Variants in TRAK1 observed in about 807,000 individuals in gnomAD.
The protein encoded by TRAK1 is trafficking kinesin protein 1.
Under a neutral mutation model 92.1 loss-of-function variants are expected in TRAK1, and 33 were observed. The ratio of observed to expected loss-of-function variants is 0.36; its 90% CI spans 0.27 to 0.48. The LOEUF is 0.48. Among genes scored for constraint, TRAK1 ranks in the 20% least tolerant of loss-of-function variants. TRAK1 has a pLI of 0.99. For missense variants in TRAK1, 1,123 were observed against 1,257.9 expected (o/e 0.89, Z 1.62); for synonymous variants, 521 against 517.3 (o/e 1.01, Z -0.10).
chr3:42,032,031 T>A (rs1702164586), intron 1 of TRAK1, among the ~76,000 whole-genome samples: 1 of 152,186 alleles, frequency 6.6e-6, no homozygotes, highest in African/African-American at 2.4e-5. Context: ...CTTCCCCATC[T>A]TCTGAAAAGT....
At chr3:42,069,627 G>C (rs1253076440) in intron 1 of TRAK1, among the ~76,000 whole-genome samples, 1 of 152,100 alleles carries the variant, frequency 6.6e-6, no homozygotes. Flanking sequence ...TCTATCTCTA[G>C]AGCGTCTTTT....
chr3:42,153,970 A>G (rs550722263), intron 2 of TRAK1, among the ~76,000 whole-genome samples: 17 of 152,296 alleles, frequency 1.1e-4, no homozygotes, highest in Non-Finnish European at 5.9e-5. Flanking sequence ...AGGGGATTAA[A>G]AAAAGAAAAA....
At chr3:42,183,871 A>G (rs1467102341) in intron 3 of TRAK1, among the ~76,000 whole-genome samples, 1 of 152,112 alleles carries the variant, frequency 6.6e-6, no homozygotes, top group African/African-American at 2.4e-5. Flanking sequence ...TCTGTCCACT[A>G]TCAGGGGACG....
chr3:42,142,267 G>T (rs1290266923), intron 2 of TRAK1, among the ~76,000 whole-genome samples: 1 of 152,210 alleles, frequency 6.6e-6, no homozygotes, highest in Non-Finnish European at 1.5e-5. Context: ...TGAAATTACA[G>T]ATTATTTATC....
chr3:42,086,311 C>CTT (rs750932535), upstream of TRAK1, among the ~76,000 whole-genome samples: 1 of 140,486 alleles, frequency 7.1e-6, no homozygotes, highest in East Asian at 2.1e-4. Flanking sequence ...CTTTTTCTTT[C>CTT]TTTTTTTTTT....
intron 1 of TRAK1, among the ~76,000 whole-genome samples, 191 bp downstream of exon 1, chr3:42,091,751 G>A (rs1156987289): frequency 2.6e-5 from 4 of 152,012 alleles, no homozygotes; most frequent in Admixed American, 2.6e-4. Flanking sequence ...CACAACTACT[G>A]CCCTCACCAC....
At chr3:42,196,387 T>TG (rs766044474) in intron 10 of TRAK1, among the ~76,000 whole-genome samples, 101 of 151,938 alleles carry the variant, frequency 6.6e-4, no homozygotes, top group East Asian at 4.3e-3. Flanking sequence ...AGACGAAATT[T>TG]GGGGGGGGCC....
rs976953867 is a variant in TRAK1, at chr3:42,223,662, G to T, written c.2787G>T (p.Gln929His). ...CCACCATGGTGGGATCTAGCATGCA[G>T]ATGAAAGCTCCTGTGACTCTCACCT... Reference protein sequence around the residue: ...SFPTMVGSSMQMKAPVTLTSG... With the variant: ...SFPTMVGSSMHMKAPVTLTSG... The change falls in exon 16 of 16, where the codon CAG becomes CAT. Residue 929 changes from glutamine (Q) to histidine (H), a missense_variant. Transcript: ENST00000327628. The surrounding 1 kb of genome is among the most constrained non-coding windows in gnomAD (Gnocchi z 6.1). The T allele has an allele frequency of 1.2e-6, 2 of 1,614,038 alleles. No homozygotes were observed. Among genetic ancestry groups the T allele is most frequent in the African/African-American group, 2.7e-5 (2 of 74,922 alleles).
At chr3:42,018,795 G>A (rs541816521) in intron 1 of TRAK1, among the ~76,000 whole-genome samples, 5 of 152,170 alleles carry the variant, frequency 3.3e-5, no homozygotes, top group South Asian at 4.1e-4. Context: ...CCTATCTTCC[G>A]TTACATAGAT....
intron 10 of TRAK1, among the ~76,000 whole-genome samples, chr3:42,195,761 A>G (rs1303189676): frequency 1.3e-5 from 2 of 152,268 alleles, no homozygotes; most frequent in African/African-American, 4.8e-5. Flanking sequence ...AGAAAGACAT[A>G]TAACATAGTC....
At chr3:42,064,169 G>A (rs747996149) in intron 1 of TRAK1, among the ~76,000 whole-genome samples, 3 of 152,058 alleles carry the variant, frequency 2.0e-5, no homozygotes, top group Non-Finnish European at 4.4e-5. Context: ...ACAAAAATGC[G>A]AATGCTCGCA....
chr3:42,117,078 G>C (rs866546196), intron 1 of TRAK1, among the ~76,000 whole-genome samples: 13 of 152,236 alleles, frequency 8.5e-5, no homozygotes, highest in Middle Eastern at 6.8e-3. Flanking sequence ...GTCAAGGACT[G>C]GGGGCGTCAC....
intron 1 of TRAK1, among the ~76,000 whole-genome samples, chr3:42,030,689 AATATATATATATATATATATAT>A (rs57651073): frequency 0.01 from 991 of 97,674 alleles, 88 homozygotes; most frequent in African/African-American, 0.04. Flanking sequence ...AAAAAAAAAG[AATATATATATATATATATATAT>A]ATATATATAT....
chr3:42,203,282 C>A, intron 13 of TRAK1: 1 of 1,001,872 alleles, frequency 1.0e-6, no homozygotes, highest in Non-Finnish European at 1.2e-6. Context: ...AAGGTTGTGG[C>A]TTTTGGCAGA....
chr3:42,093,063 AT>A (rs1241312208), intron 1 of TRAK1, among the ~76,000 whole-genome samples: 2 of 152,182 alleles, frequency 1.3e-5, no homozygotes, highest in Non-Finnish European at 2.9e-5. Context: ...AAAATTTATA[AT>A]CTAAATGGGT....
rs538755047 is a variant in TRAK1, at chr3:42,160,589, A to T, written c.287-16225A>T. On this transcript the variant is annotated intron_variant, in intron 2 of 15. Coordinates refer to ENST00000327628, the MANE Select transcript of TRAK1 (RefSeq NM_001042646.3). ...TTTTTGTTTTTTTTTAAGTTGAGGT[A>T]TAAGTTAGAGATCTTATGCAAATGG... 4.9e-5 allele frequency: 57 copies of T among 1,162,086 alleles called. No individual in the cohort carries two copies. In the East Asian group the frequency reaches 1.4e-3, roughly 29 times the overall value. The allele number at this position is 1,162,086 out of a possible 1,614,324, so 72.0% of individuals were successfully genotyped here.
chr3:42,154,950 G>A (rs1168118397), intron 2 of TRAK1, among the ~76,000 whole-genome samples: 1 of 152,018 alleles, frequency 6.6e-6, no homozygotes, highest in African/African-American at 2.4e-5. Flanking sequence ...TAGGGAGGTG[G>A]GGACGTTGAG....
At chr3:42,016,688 C>T (rs1701539872) in intron 1 of TRAK1, among the ~76,000 whole-genome samples, 1 of 152,172 alleles carries the variant, frequency 6.6e-6, no homozygotes, top group South Asian at 2.1e-4. Flanking sequence ...TGCGATTGTT[C>T]TGTAGCACCA....
chr3:42,035,608 C>T (rs900270622), intron 1 of TRAK1, among the ~76,000 whole-genome samples: 12 of 152,214 alleles, frequency 7.9e-5, no homozygotes, highest in African/African-American at 2.9e-4. Flanking sequence ...CCCTTCTGGT[C>T]AGTCACCTCC....
Sources: allele counts gnomAD v4.1 joint callset (sites outside exome capture counted in the v4.1 genomes callset), GRCh38; gene constraint gnomAD v4.1.1; non-coding constraint Gnocchi (gnomAD v3.1); transcripts MANE v1.5; gene names NCBI Gene and HGNC (gene_info 2026-07-23, HGNC 2026-07-21).